The following LINGO2 variants were observed in gnomAD, a reference collection of about 807,000 sequenced individuals.
LINGO2 encodes leucine rich repeat and Ig domain containing 2, also known as leucine-rich repeat and immunoglobulin-like domain-containing nogo receptor-interacting protein 2.
A neutral mutation model predicts 30.6 loss-of-function variants in LINGO2; 14 were observed. That is an observed-to-expected ratio of 0.46 (90% CI 0.30 to 0.72). LINGO2 has a LOEUF of 0.72. Ranked by LOEUF, LINGO2 falls within the 30% of genes least tolerant of loss-of-function variation. LINGO2 has a pLI of 0.07. For missense variants in LINGO2, 729 were observed against 751.7 expected, an observed-to-expected ratio of 0.97 and a Z score of 0.35; for synonymous variants, 317 against 288.5, an observed-to-expected ratio of 1.10 and a Z score of -1.00.
chr9:29,041,697 A>G, the LINGO2 span, among the ~76,000 whole-genome samples: 1 of 152,084 alleles, frequency 6.6e-6, no homozygotes, highest in Non-Finnish European at 1.5e-5. Flanking sequence ...AAAGCTATAC[A>G]TGTTTTAGCA....
At chr9:28,360,197 G>T (rs1820385699) in intron 3 of LINGO2, among the ~76,000 whole-genome samples, 1 of 152,260 alleles carries the variant, frequency 6.6e-6, no homozygotes, top group African/African-American at 2.4e-5. Context: ...GTAAGGCAGT[G>T]TTTTTGTTAA....
chr9:28,962,808 C>T, the LINGO2 span, among the ~76,000 whole-genome samples: 17,921 of 151,420 alleles, frequency 0.12, 1,049 homozygotes, highest in South Asian at 0.16. Context: ...TACATCTTAT[C>T]TTACTTTAAT....
chr9:28,925,729 T>C, the LINGO2 span, among the ~76,000 whole-genome samples: 1 of 152,230 alleles, frequency 6.6e-6, no homozygotes, highest in Non-Finnish European at 1.5e-5. Flanking sequence ...ATGGTGGTTT[T>C]GGTAACTTTT....
the LINGO2 span, among the ~76,000 whole-genome samples, chr9:29,110,379 C>CTGGA: frequency 1.3e-5 from 2 of 152,162 alleles, no homozygotes; most frequent in Non-Finnish European, 2.9e-5. Flanking sequence ...GTCGCCCAGG[C>CTGGA]TGGAGTGCAG....
chr9:27,948,929 A>G, exon 6 of LINGO2: 1 of 1,614,106 alleles, frequency 6.2e-7, no homozygotes, highest in Non-Finnish European at 8.5e-7. Context: ...TTCTGGGCAC[A>G]TACTCAAGGT....
chr9:28,565,612 C>T (rs1209886556), intron 1 of LINGO2, among the ~76,000 whole-genome samples: 4 of 151,488 alleles, frequency 2.6e-5, no homozygotes, highest in East Asian at 1.9e-4. Context: ...AGTGCAGTGT[C>T]GCGATCTCTG....
At chr9:28,372,629 A>G (rs946795018) in intron 3 of LINGO2, among the ~76,000 whole-genome samples, 1 of 149,038 alleles carries the variant, frequency 6.7e-6, no homozygotes, top group Non-Finnish European at 1.5e-5. Flanking sequence ...CTAACTAATT[A>G]TAGAGTATTT....
the LINGO2 span, among the ~76,000 whole-genome samples, chr9:28,773,315 A>T: frequency 3.3e-4 from 50 of 151,238 alleles, no homozygotes; most frequent in Non-Finnish European, 8.8e-5. Context: ...CAGTGAGCTG[A>T]GATCGTGCCA....
At chr9:28,089,156 C>T (rs1213027643) in intron 4 of LINGO2, among the ~76,000 whole-genome samples, 4 of 152,042 alleles carry the variant, frequency 2.6e-5, no homozygotes, top group Non-Finnish European at 5.9e-5. Context: ...GACAGATCAA[C>T]GAGACAGAAA....
At chr9:28,769,497 TATATATATATATATATATA>T in the LINGO2 span, among the ~76,000 whole-genome samples, 3 of 10,626 alleles carry the variant, frequency 2.8e-4, no homozygotes, top group South Asian at 4.5e-3. Context: ...TATATATATA[TATATATATATATATATATA>T]TATTTTTTTT....
At chr9:28,062,533 CATATAT>C (rs1042456760) in intron 4 of LINGO2, among the ~76,000 whole-genome samples, 1 of 138,416 alleles carries the variant, frequency 7.2e-6, no homozygotes, top group Non-Finnish European at 1.5e-5. Context: ...TATACATATA[CATATAT>C]ACTATATATT....
chr9:29,188,014 CTTTTTT>C, the LINGO2 span, among the ~76,000 whole-genome samples: 2 of 75,782 alleles, frequency 2.6e-5, no homozygotes, highest in Admixed American at 1.5e-4. Context: ...TTGACAGAGT[CTTTTTT>C]TTTTTTTTTT....
chr9:28,023,930 T>C lies in LINGO2; in HGVS notation c.-86-11525A>G, dbSNP rs142578962. Among the ~76,000 whole-genome samples the C allele has an allele frequency of 3.6e-3, 549 of 152,294 alleles. 5 individuals are homozygous for C. The highest frequency in any genetic ancestry group is 0.012 in the African/African-American group (519 of 41,572). On this transcript the variant is annotated intron_variant, in intron 4 of 5. Transcript: ENST00000379992. Reference sequence around the variant, plus strand: ...TACCACTGAAGTTTTTCTACCCATTTATGGTTCCAGTAGCATCTGTCCAGG... The same window carrying C: ...TACCACTGAAGTTTTTCTACCCATTCATGGTTCCAGTAGCATCTGTCCAGG...
At chr9:28,745,671 A>G in the LINGO2 span, among the ~76,000 whole-genome samples, 1 of 152,086 alleles carries the variant, frequency 6.6e-6, no homozygotes, top group Non-Finnish European at 1.5e-5. Flanking sequence ...GACTATTATT[A>G]ACTATTCTAA....
chr9:28,064,414 C>A (rs1184490894), intron 4 of LINGO2, among the ~76,000 whole-genome samples: 1 of 152,018 alleles, frequency 6.6e-6, no homozygotes. Flanking sequence ...CGAAGCCAGG[C>A]AGGTCTGCAT....
intron 1 of LINGO2, among the ~76,000 whole-genome samples, chr9:28,544,782 T>TCTATAATAATAGAATATAATA (rs1821858329): frequency 1.3e-5 from 2 of 149,534 alleles, no homozygotes; most frequent in Admixed American, 6.7e-5. Flanking sequence ...TATACTCTAC[T>TCTATAATAATAGAATATAATA]ATATTCTATT....
the LINGO2 span, among the ~76,000 whole-genome samples, chr9:28,906,564 G>C: frequency 2.6e-5 from 4 of 152,002 alleles, no homozygotes; most frequent in African/African-American, 9.6e-5. Flanking sequence ...TTGCCTTCCA[G>C]ATGGTCAGAT....
chr9:27,948,567 G>A (rs973220745), exon 6 of LINGO2: 6 of 325,462 alleles, frequency 1.8e-5, no homozygotes, highest in Admixed American at 4.6e-5. Context: ...ATAATTGTCC[G>A]TGAGTGTGAG....
At chr9:28,613,031 G>C (rs1263119917) in intron 1 of LINGO2, among the ~76,000 whole-genome samples, 2 of 151,958 alleles carry the variant, frequency 1.3e-5, no homozygotes, top group Non-Finnish European at 2.9e-5. Flanking sequence ...ATAAGTGTTT[G>C]GTAGTTCCTC....
Sources: gnomAD v4.1 joint callset for allele counts (sites outside exome capture counted in the v4.1 genomes callset) on GRCh38, gnomAD v4.1.1 for gene constraint, MANE v1.5 for transcripts, NCBI Gene and HGNC (gene_info 2026-07-23, HGNC 2026-07-21) for gene names.